Variants in CA1 observed in about 807,000 individuals in gnomAD.
CA1 encodes carbonate dehydratase I.
A neutral mutation model predicts 28.8 loss-of-function variants in CA1; 27 were observed. The ratio of observed to expected loss-of-function variants is 0.94; its 90% CI spans 0.69 to 1.29. The LOEUF (loss-of-function observed/expected upper bound fraction) is 1.29. CA1 is among the 50% of genes most tolerant of loss of function. The pLI, the probability that CA1 is intolerant of heterozygous loss-of-function variation, is 0.00. For missense variants in CA1, 335 were observed against 310.5 expected (o/e 1.08, Z -0.59); for synonymous variants, 121 against 108.8 (o/e 1.11, Z -0.70).
At chr8:85,357,488 T>A (rs1585951958) in intron 1 of CA1, among the ~76,000 whole-genome samples, 1 of 152,352 alleles carries the variant, frequency 6.6e-6, no homozygotes, top group South Asian at 2.1e-4. Flanking sequence ...GCCAGGTGTC[T>A]AGTTACCTGG....
At chr8:85,374,541 C>CT (rs1810340891) in intron 1 of CA1, among the ~76,000 whole-genome samples, 1 of 152,128 alleles carries the variant, frequency 6.6e-6, no homozygotes. Flanking sequence ...TGGTTTTAAT[C>CT]GTACGTAAGA....
chr8:85,328,416 T>A lies in CA1; in HGVS notation c.*144A>T, dbSNP rs1227373066. 2 of 547,558 alleles carry A rather than the reference T, an allele frequency of 3.7e-6. No homozygotes were observed. The highest frequency in any genetic ancestry group is 6.5e-6 in the Non-Finnish European group (2 of 308,296). The allele number at this position is 547,558 out of a possible 1,614,324, so 33.9% of individuals were successfully genotyped here. A position where few individuals can be genotyped will look rare whatever the true frequency, so the allele number is the denominator to read the frequency against. On this transcript the variant is annotated 3_prime_UTR_variant, in exon 8 of 8. Coordinates refer to ENST00000523022, the MANE Select transcript of CA1 (RefSeq NM_001128831.4). ...TAAGCAGTAAGAACTAAAATTTAAG[T>A]TTCTTAGTTTTACAGATTGATTTGA...
intron 1 of CA1, among the ~76,000 whole-genome samples, chr8:85,344,268 TATATA>T (rs1222266255): frequency 3.3e-4 from 4 of 12,192 alleles, no homozygotes; most frequent in South Asian, 1.4e-3. Context: ...CAGTATATAA[TATATA>T]ATTATATATT....
Position 85,328,579 on chromosome 8 carries a change from G to C in CA1, c.767C>G (p.Thr256Arg), listed in dbSNP as rs772022722. 3.5e-5 allele frequency: 56 copies of C among 1,605,640 alleles called. No homozygotes were observed. The highest frequency in any genetic ancestry group is 4.4e-5 in the Non-Finnish European group (52 of 1,172,876). ...GAATCATCAAAATGAAGCTCTCACT[G>C]TTCTGCCCTTCAGAGGTTGGGTTGG... ...NRPTQPLKGR[T>R]VRASF Residue 256 changes from threonine to arginine, a missense_variant, in exon 8 of 8, where the codon ACA (threonine) becomes AGA (arginine). By Grantham distance (71) the Thr-to-Arg change is moderately conservative. Transcript: ENST00000523022.
chr8:85,368,291 C>G (rs1475466949), intron 1 of CA1, among the ~76,000 whole-genome samples: 1 of 151,962 alleles, frequency 6.6e-6, no homozygotes, highest in Non-Finnish European at 1.5e-5. Context: ...CCTCAGTCTC[C>G]TGAGTAGATG....
intron 1 of CA1, among the ~76,000 whole-genome samples, chr8:85,350,439 C>T (rs183668504): frequency 3.0e-4 from 45 of 152,294 alleles, no homozygotes; most frequent in East Asian, 9.7e-4. Context: ...TTAATTGCAT[C>T]GCCTTGCACC....
chr8:85,364,281 T>C (rs1809922153), intron 1 of CA1, among the ~76,000 whole-genome samples: 1 of 152,254 alleles, frequency 6.6e-6, no homozygotes, highest in Non-Finnish European at 1.5e-5. Context: ...CAAAAGTACA[T>C]CTCAGATGAT....
intron 1 of CA1, among the ~76,000 whole-genome samples, chr8:85,360,542 A>C (rs1247991219): frequency 1.3e-5 from 2 of 152,002 alleles, no homozygotes; most frequent in Non-Finnish European, 2.9e-5. Flanking sequence ...AAAACACAAA[A>C]ATTAGCCAGG....
intron 1 of CA1, among the ~76,000 whole-genome samples, chr8:85,363,300 G>C (rs938588389): frequency 1.3e-5 from 2 of 152,228 alleles, no homozygotes; most frequent in African/African-American, 4.8e-5. Flanking sequence ...TGTTCATGCA[G>C]GTGATAAATG....
intron 1 of CA1, among the ~76,000 whole-genome samples, chr8:85,361,193 G>A (rs1809781340): frequency 6.6e-6 from 1 of 152,096 alleles, no homozygotes; most frequent in Non-Finnish European, 1.5e-5. Flanking sequence ...CAAGGGAGCT[G>A]AACTGGTTCA....
At chr8:85,336,819 T>C in intron 4 of CA1, 126 bp downstream of exon 4, 1 of 747,614 alleles carries the variant, frequency 1.3e-6, no homozygotes, top group Admixed American at 1.8e-5. Context: ...TAATGGAAAC[T>C]GGGAGTTCCT....
At position 85,332,499 on chromosome 8, in the gene CA1, A is replaced by G. The variant is rs1808448348; in HGVS notation, c.504T>C (p.Ile168=). ...TATTTAGTGTGTTTACCTTGGTTTTAATTGCTTGGAGGGCATCAAGTACTT... is the reference window on the plus strand; with the variant it reads ...TATTTAGTGTGTTTACCTTGGTTTTGATTGCTTGGAGGGCATCAAGTACTT... ...LQKVLDALQA[I]KTKGKRAPFT... The change falls in exon 6 of 8, where the codon ATT becomes ATC. Residue 168 remains isoleucine (I), a synonymous_variant. Transcript: ENST00000523022. 4 of 1,612,166 alleles carry G rather than the reference A, an allele frequency of 2.5e-6. No individual in the cohort carries two copies. The African/African-American group carries it at 5.3e-5, about 22-fold the overall frequency.
intron 3 of CA1, 96 bp from the exon 4 acceptor site, chr8:85,337,159 G>A: frequency 1.3e-6 from 1 of 795,776 alleles, no homozygotes; most frequent in Admixed American, 1.7e-5. Flanking sequence ...GTATTGAGTA[G>A]AAGTGAAAAC....
At chr8:85,369,565 G>A (rs988377828) in intron 1 of CA1, among the ~76,000 whole-genome samples, 20 of 152,092 alleles carry the variant, frequency 1.3e-4, no homozygotes, top group Non-Finnish European at 2.2e-4. Context: ...ATGAAATGCC[G>A]TGGACTGGTA....
At chr8:85,356,528 GA>G (rs1193428185) in intron 1 of CA1, among the ~76,000 whole-genome samples, 1 of 152,000 alleles carries the variant, frequency 6.6e-6, no homozygotes, top group African/African-American at 2.4e-5. Flanking sequence ...ACTAATTTTA[GA>G]ATACGTTTTA....
chr8:85,351,051 G>T (rs1809392226), intron 1 of CA1, among the ~76,000 whole-genome samples: 1 of 152,152 alleles, frequency 6.6e-6, no homozygotes, highest in Non-Finnish European at 1.5e-5. Flanking sequence ...CTTGCAGCTG[G>T]CAACAGCTGT....
intron 6 of CA1, chr8:85,332,260 A>G (rs1236024340): frequency 8.4e-6 from 4 of 478,358 alleles, no homozygotes; most frequent in South Asian, 2.8e-5. Context: ...TCTACAGGCC[A>G]TATTCTGCTG....
At chr8:85,337,086 G>T in intron 3 of CA1, 23 bp from the exon 4 acceptor site, 1 of 1,285,098 alleles carries the variant, frequency 7.8e-7, no homozygotes, top group Non-Finnish European at 1.1e-6. Context: ...GGAACCGATT[G>T]TTAGCCTGAT....
Position 85,338,405 on chromosome 8 carries a change from T to G in CA1, c.82A>C (p.Asn28His). 6.2e-7 allele frequency: 1 copy of G among 1,614,006 alleles called. No individual in the cohort carries two copies. The highest frequency in any genetic ancestry group is 8.5e-7 in the Non-Finnish European group (1 of 1,179,942). ...SKLYPIANGNNQSPVDIKTSE... is the reference protein window; with the variant it reads ...SKLYPIANGNHQSPVDIKTSE... ...GTTTTAATATCAACAGGGGACTGGTTATTTCCATTGGCAATGGGATACAGC... is the reference window on the plus strand; with the variant it reads ...GTTTTAATATCAACAGGGGACTGGTGATTTCCATTGGCAATGGGATACAGC... The change falls in exon 3 of 8, where the codon AAC (asparagine) becomes CAC (histidine). Residue 28 changes from asparagine (N) to histidine (H), a missense_variant. Physicochemically the swap from Asn to His is moderately conservative, Grantham distance 68 (BLOSUM62 1). Transcript: ENST00000523022.
Sources: allele counts gnomAD v4.1 joint callset (sites outside exome capture counted in the v4.1 genomes callset), GRCh38; gene constraint gnomAD v4.1.1; transcripts MANE v1.5; gene names NCBI Gene and HGNC (gene_info 2026-07-23, HGNC 2026-07-21).